The following HIBADH variants were observed in gnomAD, a reference collection of about 807,000 sequenced individuals.
The protein encoded by HIBADH is 3-hydroxyisobutyrate dehydrogenase, also known as 3-hydroxyisobutyrate dehydrogenase, mitochondrial.
Under a neutral mutation model 36.1 loss-of-function variants are expected in HIBADH, and 25 were observed. The ratio of observed to expected loss-of-function variants is 0.69; its 90% CI spans 0.50 to 0.97. HIBADH has a LOEUF of 0.97. Among genes scored for constraint, HIBADH ranks in the 50% least tolerant of loss-of-function variants. The pLI, the probability that HIBADH is intolerant of heterozygous loss-of-function variation, is 0.00. For missense variants in HIBADH, 421 were observed against 418.0 expected (o/e 1.01, Z -0.06); for synonymous variants, 160 against 149.5 (o/e 1.07, Z -0.51).
intron 4 of HIBADH, among the ~76,000 whole-genome samples, chr7:27,577,420 C>T (rs949176757): frequency 3.3e-5 from 5 of 152,284 alleles, no homozygotes; most frequent in African/African-American, 1.2e-4. Context: ...ACCTCGGCCT[C>T]CCAAAGTGCT....
At chr7:27,618,565 G>A (rs1249231200) in intron 4 of HIBADH, among the ~76,000 whole-genome samples, 1 of 152,178 alleles carries the variant, frequency 6.6e-6, no homozygotes, top group Non-Finnish European at 1.5e-5. Context: ...TGCCACTACT[G>A]GCATTGGAGT....
Position 27,636,197 on chromosome 7 carries a change from T to C in HIBADH, c.253-3752A>G, listed in dbSNP as rs376584715. On this transcript the variant is annotated intron_variant, in intron 2 of 7. Coordinates refer to ENST00000265395, the MANE Select transcript of HIBADH (RefSeq NM_152740.4). ...TAGTTGCTTTACATGAAGAGAAAAA[T>C]CTTGCTGCCTCTTCTAGATAAAACA... Among the ~76,000 whole-genome samples the C allele has an allele frequency of 2.6e-4, 39 of 152,230 alleles. No homozygotes were observed. The South Asian group carries it at 4.1e-3, about 16-fold the overall frequency.
At chr7:27,617,046 G>T (rs1311780955) in intron 4 of HIBADH, among the ~76,000 whole-genome samples, 1 of 152,070 alleles carries the variant, frequency 6.6e-6, no homozygotes, top group Non-Finnish European at 1.5e-5. Context: ...CAAGTCTACA[G>T]CAGTGTACAG....
chr7:27,661,669 GA>G (rs373174644), intron 1 of HIBADH, among the ~76,000 whole-genome samples: 5 of 147,974 alleles, frequency 3.4e-5, no homozygotes, highest in African/African-American at 1.2e-4. Context: ...GCAAAGATTA[GA>G]AAAAATTAAT....
chr7:27,590,665 C>A (rs970665068), intron 4 of HIBADH, among the ~76,000 whole-genome samples: 2 of 152,170 alleles, frequency 1.3e-5, no homozygotes, highest in East Asian at 3.8e-4. Context: ...TCTACATACA[C>A]CTCAGCTGTA....
At chr7:27,603,104 G>A (rs572814434) in intron 4 of HIBADH, among the ~76,000 whole-genome samples, 3 of 151,940 alleles carry the variant, frequency 2.0e-5, no homozygotes, top group African/African-American at 7.2e-5. Context: ...TAAATTACTC[G>A]TTTTAACTTA....
At chr7:27,549,531 CA>C (rs1784287080) in intron 4 of HIBADH, among the ~76,000 whole-genome samples, 1 of 152,222 alleles carries the variant, frequency 6.6e-6, no homozygotes, top group East Asian at 1.9e-4. Flanking sequence ...TATTTGAGAG[CA>C]AGCATATATT....
chr7:27,640,179 T>A (rs1785935569), intron 2 of HIBADH, among the ~76,000 whole-genome samples: 1 of 152,216 alleles, frequency 6.6e-6, no homozygotes, highest in Admixed American at 6.5e-5. Flanking sequence ...ATTAATAATT[T>A]ATGTTAATGT....
chr7:27,598,764 T>C (rs1785072705), intron 4 of HIBADH, among the ~76,000 whole-genome samples: 1 of 152,118 alleles, frequency 6.6e-6, no homozygotes, highest in African/African-American at 2.4e-5. Context: ...ATCTGCACTT[T>C]GCAGACCTAG....
intron 4 of HIBADH, among the ~76,000 whole-genome samples, chr7:27,564,604 T>A (rs1784517414): frequency 6.6e-6 from 1 of 152,242 alleles, no homozygotes; most frequent in Non-Finnish European, 1.5e-5. Context: ...TCTCCAACTT[T>A]ATTAATCACA....
At chr7:27,652,580 C>T (rs1049900815) in intron 1 of HIBADH, among the ~76,000 whole-genome samples, 4 of 152,196 alleles carry the variant, frequency 2.6e-5, no homozygotes, top group Admixed American at 2.0e-4. Context: ...GCTTAAATAA[C>T]GAACACTTAT....
At chr7:27,587,699 A>G (rs973253960) in intron 4 of HIBADH, among the ~76,000 whole-genome samples, 1 of 152,170 alleles carries the variant, frequency 6.6e-6, no homozygotes, top group Non-Finnish European at 1.5e-5. Context: ...TTCTTTTTCA[A>G]TAACTCATTT....
At chr7:27,633,702 G>A (rs1205487779) in intron 2 of HIBADH, among the ~76,000 whole-genome samples, 1 of 151,824 alleles carries the variant, frequency 6.6e-6, no homozygotes, top group African/African-American at 2.4e-5. Flanking sequence ...CATCCCAACT[G>A]TCACAACATC....
At chr7:27,660,138 T>C (rs558695793) in intron 1 of HIBADH, among the ~76,000 whole-genome samples, 2 of 152,338 alleles carry the variant, frequency 1.3e-5, no homozygotes, top group South Asian at 2.1e-4. Context: ...GTAAATTATA[T>C]AGCTCCTTAT....
intron 7 of HIBADH, among the ~76,000 whole-genome samples, chr7:27,530,479 T>C (rs1452991871): frequency 6.6e-6 from 1 of 152,142 alleles, no homozygotes; most frequent in African/African-American, 2.4e-5. Flanking sequence ...AATGCTGGGA[T>C]TAAAGGCATG....
At chr7:27,625,559 G>A (rs1270447745) in intron 4 of HIBADH, among the ~76,000 whole-genome samples, 1 of 152,046 alleles carries the variant, frequency 6.6e-6, no homozygotes. Flanking sequence ...TAGGATCAGG[G>A]AAACAAGAAC....
At chr7:27,662,483 G>A (rs1786443330) in intron 1 of HIBADH, among the ~76,000 whole-genome samples, 1 of 152,206 alleles carries the variant, frequency 6.6e-6, no homozygotes, top group Admixed American at 6.5e-5. Context: ...CCGTTCATCA[G>A]GAGCCCGGGA....
chr7:27,548,384 T>C (rs1305161600), intron 4 of HIBADH, among the ~76,000 whole-genome samples: 1 of 151,610 alleles, frequency 6.6e-6, no homozygotes, highest in Non-Finnish European at 1.5e-5. Context: ...GTGCTTGTGA[T>C]GGTTGGGGGG....
intron 4 of HIBADH, among the ~76,000 whole-genome samples, chr7:27,571,111 CTCTT>C (rs1201524820): frequency 6.6e-6 from 1 of 152,158 alleles, no homozygotes; most frequent in East Asian, 1.9e-4. Context: ...CTAATTCTCT[CTCTT>C]CTGCTCCCAT....
Sources: gnomAD v4.1 joint callset for allele counts (sites outside exome capture counted in the v4.1 genomes callset) on GRCh38, gnomAD v4.1.1 for gene constraint, MANE v1.5 for transcripts, NCBI Gene and HGNC (gene_info 2026-07-23, HGNC 2026-07-21) for gene names.